Variants in APOL3 observed in about 807,000 individuals in gnomAD.
APOL3 encodes apolipoprotein L3, also known as TNF-inducible protein CG12-1.
APOL3 carries 14 observed loss-of-function variants against 11.6 expected under a neutral mutation model. The ratio of observed to expected loss-of-function variants is 1.21; its 90% CI spans 0.80 to 1.89. The LOEUF is 1.89. APOL3 is among the 40% of genes most tolerant of loss of function. APOL3 has a pLI of 0.00. For synonymous variants in APOL3, 192 were observed against 190.6 expected (o/e 1.01, Z -0.06); for missense variants, 483 against 492.1 (o/e 0.98, Z 0.17).
At chr22:36,147,206 T>G (rs1447934824) in intron 1 of APOL3, among the ~76,000 whole-genome samples, 1 of 152,180 alleles carries the variant, frequency 6.6e-6, no homozygotes, top group African/African-American at 2.4e-5. Flanking sequence ...CCTACACCAT[T>G]GAATAAACTA....
chr22:36,155,351 C>T (rs1319151283), intron 1 of APOL3, among the ~76,000 whole-genome samples: 2 of 152,212 alleles, frequency 1.3e-5, no homozygotes, highest in South Asian at 4.1e-4. Flanking sequence ...CCGGGACCCC[C>T]TGATGCGTTT....
chr22:36,143,288 T>C (rs1230319306), intron 2 of APOL3, among the ~76,000 whole-genome samples: 1 of 152,244 alleles, frequency 6.6e-6, no homozygotes, highest in Admixed American at 6.5e-5. Flanking sequence ...GCTTCACACC[T>C]GAAACCCTCC....
intron 1 of APOL3, among the ~76,000 whole-genome samples, chr22:36,150,661 G>A (rs2060397897): frequency 1.3e-5 from 2 of 152,168 alleles, no homozygotes; most frequent in Admixed American, 6.5e-5. Flanking sequence ...ACGAGGTCAG[G>A]AGATCAAGAC....
intron 2 of APOL3, 134 bp downstream of exon 3, chr22:36,145,339 T>C: frequency 8.6e-7 from 1 of 1,160,466 alleles, no homozygotes; most frequent in Non-Finnish European, 1.2e-6. Context: ...CCTCCTGGAC[T>C]GCTGAGAGGG....
chr22:36,158,663 C>A (rs1159947505), intron 1 of APOL3, among the ~76,000 whole-genome samples: 1 of 152,006 alleles, frequency 6.6e-6, no homozygotes, highest in Non-Finnish European at 1.5e-5. Context: ...ACTAAAAATA[C>A]TAAAAATTAG....
intron 1 of APOL3, among the ~76,000 whole-genome samples, chr22:36,146,668 A>G (rs1454309524): frequency 6.6e-6 from 1 of 152,086 alleles, no homozygotes; most frequent in Non-Finnish European, 1.5e-5. Context: ...CAGGGTGCAT[A>G]TGCTGTATCA....
chr22:36,156,303 C>T (rs1436440835), intron 1 of APOL3, among the ~76,000 whole-genome samples: 1 of 152,100 alleles, frequency 6.6e-6, no homozygotes, highest in East Asian at 1.9e-4. Context: ...TGCTATGCTG[C>T]CCAGGCTTGT....
At chr22:36,160,134 C>G (rs1442555064) in intron 1 of APOL3, among the ~76,000 whole-genome samples, 1 of 152,186 alleles carries the variant, frequency 6.6e-6, no homozygotes, top group Non-Finnish European at 1.5e-5. Flanking sequence ...CTACCCGTCT[C>G]GGCCTCTCAA....
chr22:36,140,983 C>T, exon 3 of APOL3: 2 of 630,730 alleles, frequency 3.2e-6, no homozygotes, highest in Non-Finnish European at 5.4e-6. Context: ...CCCCTCTCCT[C>T]CCTTATTCCA....
upstream of APOL3, among the ~76,000 whole-genome samples, chr22:36,162,792 A>G (rs1048110755): frequency 3.3e-5 from 5 of 152,198 alleles, no homozygotes; most frequent in Non-Finnish European, 7.3e-5. Context: ...CCCAGCGCAG[A>G]ATTCCTGGTA....
intron 1 of APOL3, among the ~76,000 whole-genome samples, chr22:36,153,762 C>T (rs1311849362): frequency 1.3e-5 from 2 of 152,190 alleles, no homozygotes; most frequent in Non-Finnish European, 2.9e-5. Flanking sequence ...AGGTTGAGGA[C>T]GTATGCCTGT....
chr22:36,140,957 C>A, exon 3 of APOL3: 1 of 531,900 alleles, frequency 1.9e-6, no homozygotes, highest in Non-Finnish European at 3.3e-6. Flanking sequence ...TCTTCCTATT[C>A]CCCACACTCT....
intron 1 of APOL3, among the ~76,000 whole-genome samples, chr22:36,147,472 C>A (rs1219429404): frequency 6.6e-6 from 1 of 152,192 alleles, no homozygotes; most frequent in Non-Finnish European, 1.5e-5. Context: ...CCCAGCCAAG[C>A]CCTTCTGAAG....
upstream of APOL3, chr22:36,160,963 C>T (rs576052260): frequency 9.7e-4 from 1,322 of 1,359,998 alleles, 9 homozygotes; most frequent in African/African-American, 0.023. Context: ...CCTTCTTGGC[C>T]AACCCACCTG....
At chr22:36,160,609 CTCTT>C in intron 1 of APOL3, 56 bp downstream of exon 1, 1 of 1,563,336 alleles carries the variant, frequency 6.4e-7, no homozygotes, top group Non-Finnish European at 8.8e-7. Context: ...AATGACCCTT[CTCTT>C]ATAGAGCTGC....
chr22:36,164,497 C>T (rs2013810394), upstream of APOL3: 2 of 152,168 alleles, frequency 1.3e-5, no homozygotes, highest in Non-Finnish European at 2.9e-5. Context: ...TGGATTTTTT[C>T]CTAATATTTC....
upstream of APOL3, chr22:36,161,016 G>GA (rs1033178809): frequency 1.5e-5 from 12 of 801,132 alleles, no homozygotes; most frequent in African/African-American, 1.9e-4. Flanking sequence ...TCTTCAGGAA[G>GA]AAAGACCTAC....
At chr22:36,144,881 G>A (rs1032540911) in intron 2 of APOL3, among the ~76,000 whole-genome samples, 6 of 151,722 alleles carry the variant, frequency 4.0e-5, no homozygotes, top group South Asian at 4.2e-4. Flanking sequence ...TGCGGTGGCC[G>A]GAGCCTGTAG....
upstream of APOL3, chr22:36,165,560 G>A (rs1180069428): frequency 6.6e-6 from 1 of 152,152 alleles, no homozygotes; most frequent in Non-Finnish European, 1.5e-5. Flanking sequence ...TCCTAAAACA[G>A]CTTTATACAA....
Sources: allele counts gnomAD v4.1 joint callset (sites outside exome capture counted in the v4.1 genomes callset), GRCh38; gene constraint gnomAD v4.1.1; transcripts MANE v1.5; gene names NCBI Gene and HGNC (gene_info 2026-07-23, HGNC 2026-07-21).